COL11A1: variants seen among roughly 807,000 people sequenced by gnomAD.
COL11A1 encodes collagen type XI alpha 1 chain.
COL11A1 carries 74 observed loss-of-function variants against 265.2 expected under a neutral mutation model. The ratio of observed to expected loss-of-function variants is 0.28; its 90% CI spans 0.23 to 0.34. The LOEUF (loss-of-function observed/expected upper bound fraction) is 0.34. Among genes scored for constraint, COL11A1 ranks in the 10% least tolerant of loss-of-function variants. The pLI is 1.00. For missense variants in COL11A1, 2,165 were observed against 2,263.6 expected (o/e 0.96, Z 0.88); for synonymous variants, 816 against 727.6 (o/e 1.12, Z -1.96).
chr1:103,082,974 T>C lies in COL11A1; in HGVS notation c.107-2A>G. On this transcript the variant is annotated splice_acceptor_variant, in intron 1 of 66. Coordinates refer to ENST00000370096, the MANE Select transcript of COL11A1 (RefSeq NM_001854.4). LOFTEE classifies it high-confidence loss of function. ...CTTTTAGTACATCAACTGGAGCAGC[T>C]GAAAAATAAGCAAACAATAAAAAAC... The C allele has an allele frequency of 6.2e-7, 1 of 1,612,364 alleles. No individual in the cohort carries two copies. Among genetic ancestry groups the C allele is most frequent in the Non-Finnish European group, 8.5e-7 (1 of 1,179,168 alleles).
intron 65 of COL11A1, 75 bp from the exon 66 acceptor site, chr1:102,879,991 G>T: frequency 2.1e-6 from 2 of 964,932 alleles, no homozygotes; most frequent in Non-Finnish European, 3.3e-6. Flanking sequence ...AATCACTGCA[G>T]ACAGTGAACT....
At chr1:102,915,312 C>T (rs1655205539) in intron 50 of COL11A1, among the ~76,000 whole-genome samples, 2 of 142,108 alleles carry the variant, frequency 1.4e-5, no homozygotes, top group Admixed American at 1.6e-4. Flanking sequence ...ACAATTGACA[C>T]GTTTATTTAA....
intron 63 of COL11A1, among the ~76,000 whole-genome samples, chr1:102,884,872 T>A (rs548341952): frequency 6.6e-6 from 1 of 152,312 alleles, no homozygotes; most frequent in East Asian, 1.9e-4. Flanking sequence ...TAATAAACTT[T>A]CACTCCTATA....
intron 47 of COL11A1, 30 bp downstream of exon 47, chr1:102,923,306 A>G: frequency 6.3e-7 from 1 of 1,576,142 alleles, no homozygotes; most frequent in East Asian, 2.3e-5. Context: ...TATAACACAT[A>G]CCCATCAAAC....
At chr1:103,054,402 T>C (rs1670061410) in intron 4 of COL11A1, among the ~76,000 whole-genome samples, 1 of 152,206 alleles carries the variant, frequency 6.6e-6, no homozygotes. Flanking sequence ...GAGTAAATGA[T>C]AAAGTACCAC....
At chr1:102,890,333 G>C in intron 58 of COL11A1, 118 bp downstream of exon 58, 1 of 910,628 alleles carries the variant, frequency 1.1e-6, no homozygotes, top group South Asian at 1.7e-5. Flanking sequence ...GCTTTTTTCA[G>C]GGTTAGAATG....
chr1:103,078,059 T>C lies in COL11A1; in HGVS notation c.488+599A>G, dbSNP rs1404984075. Among the ~76,000 whole-genome samples, 3 of 152,096 alleles carry C rather than the reference T, an allele frequency of 2.0e-5. No homozygotes were observed. The East Asian group carries it at 5.8e-4, about 29-fold the overall frequency. ...ATTATTAGTAAAACGTAAGTCAAATTAGATCATTCTTCTGCTCAAAAAGCC... is the reference window on the plus strand; with the variant it reads ...ATTATTAGTAAAACGTAAGTCAAATCAGATCATTCTTCTGCTCAAAAAGCC... On this transcript the variant is annotated intron_variant, in intron 3 of 66. Coordinates refer to ENST00000370096, the MANE Select transcript of COL11A1 (RefSeq NM_001854.4).
intron 4 of COL11A1, among the ~76,000 whole-genome samples, chr1:103,071,259 G>A (rs12738118): frequency 0.038 from 5,707 of 151,858 alleles, 123 homozygotes; most frequent in Middle Eastern, 0.092. Context: ...AAAAAATTAG[G>A]AAACAGAAAT....
intron 1 of COL11A1, among the ~76,000 whole-genome samples, chr1:103,084,747 T>G (rs1157011173): frequency 6.6e-6 from 1 of 152,212 alleles, no homozygotes; most frequent in Non-Finnish European, 1.5e-5. Context: ...TATTACTCAA[T>G]GTACAGTAAG....
At chr1:102,947,692 A>C (rs1659445674) in intron 41 of COL11A1, among the ~76,000 whole-genome samples, 1 of 151,920 alleles carries the variant, frequency 6.6e-6, no homozygotes, top group East Asian at 1.9e-4. Context: ...TAGATTTTTG[A>C]AAATAATCAC....
At chr1:102,914,508 T>A in intron 51 of COL11A1, 103 bp from the exon 52 acceptor site, 7 of 1,187,490 alleles carry the variant, frequency 5.9e-6, no homozygotes, top group Non-Finnish European at 4.8e-6. Flanking sequence ...CAAAACCTGC[T>A]GAGAATATTT....
intron 43 of COL11A1, 79 bp downstream of exon 43, chr1:102,940,248 A>C (rs1444792773): frequency 3.4e-6 from 4 of 1,187,738 alleles, no homozygotes; most frequent in Non-Finnish European, 5.0e-6. Context: ...CCTAATCATA[A>C]AGATTAGAAT....
At position 102,912,142 on chromosome 1, in the gene COL11A1, G is replaced by A. The variant is rs369288970; in HGVS notation, c.4086+17C>T. 3.4e-5 allele frequency: 54 copies of A among 1,599,788 alleles called. No individual in the cohort carries two copies. Among genetic ancestry groups the A allele is most frequent in the Admixed American group, 6.8e-5 (4 of 59,034 alleles). The stretch of plus-strand genomic sequence containing the variant: ...CTAATGAGCATATGTTTCAAATAAA[G>A]AATTAAAGAAACTTACTCGTTTTCC... On this transcript the variant is annotated intron_variant, in intron 54 of 66. Transcript: ENST00000370096.
At chr1:103,014,260 G>A (rs539206872) in intron 13 of COL11A1, among the ~76,000 whole-genome samples, 3 of 152,198 alleles carry the variant, frequency 2.0e-5, no homozygotes, top group Admixed American at 2.0e-4. Context: ...AATCTTGCGT[G>A]TTATGGTGGG....
At chr1:102,898,533 A>T in intron 56 of COL11A1, 133 bp downstream of exon 56, 1 of 661,668 alleles carries the variant, frequency 1.5e-6, no homozygotes, top group Admixed American at 2.5e-5. Context: ...TTTACATTAT[A>T]TTTACAGAAT....
At chr1:102,930,079 T>G (rs1433541540) in intron 46 of COL11A1, among the ~76,000 whole-genome samples, 1 of 152,164 alleles carries the variant, frequency 6.6e-6, no homozygotes, top group Non-Finnish European at 1.5e-5. Flanking sequence ...TGAATACCCT[T>G]TATTTCCTTC....
At chr1:103,042,493 C>T (rs975787384) in intron 4 of COL11A1, among the ~76,000 whole-genome samples, 2 of 152,024 alleles carry the variant, frequency 1.3e-5, no homozygotes, top group Middle Eastern at 3.2e-3. Flanking sequence ...TCTGTGCCTG[C>T]AAGAATCTGA....
chr1:102,945,494 G>A (rs3126212), intron 42 of COL11A1, among the ~76,000 whole-genome samples: 137,826 of 152,202 alleles, frequency 0.91, 63,322 homozygotes, highest in East Asian at 1. Context: ...AGAATAATCA[G>A]AGAAAATGCA....
In COL11A1 at chr1:102,898,129, G is replaced by C; in HGVS notation, c.4298C>G (p.Pro1433Arg). 1 of 1,554,260 alleles carries C rather than the reference G, an allele frequency of 6.4e-7. No homozygotes were observed. The highest frequency in any genetic ancestry group is 1.4e-5 in the African/African-American group (1 of 72,814). Residue 1433 changes from proline to arginine, a missense_variant, in exon 57 of 67, where the codon CCT (proline) becomes CGT (arginine). Transcript: ENST00000370096. ...GAAGQDGPPG[P>R]MGPPGLPGLK... ...GACTGAAAAGATCTTACTCACCATA[G>C]GACCAGGTGGTCCATCTTGGCCTGC...
Sources: allele counts gnomAD v4.1 joint callset (sites outside exome capture counted in the v4.1 genomes callset), GRCh38; gene constraint gnomAD v4.1.1; transcripts MANE v1.5; gene names NCBI Gene and HGNC (gene_info 2026-07-23, HGNC 2026-07-21).